The following MAP3K2 variants were observed in gnomAD, a reference collection of about 807,000 sequenced individuals.
MAP3K2 encodes the protein mitogen-activated protein kinase kinase kinase 2, also known as MAP/ERK kinase kinase 2.
A neutral mutation model predicts 80.3 loss-of-function variants in MAP3K2; 24 were observed. That is an observed-to-expected ratio of 0.30 (90% confidence interval 0.22 to 0.42). The LOEUF (loss-of-function observed/expected upper bound fraction) is 0.42. Ranked by LOEUF, MAP3K2 falls within the 10% of genes least tolerant of loss-of-function variation. The pLI, the probability that MAP3K2 is intolerant of heterozygous loss-of-function variation, is 1.00. For missense variants in MAP3K2, 608 were observed against 750.1 expected (o/e 0.81, Z 2.21); for synonymous variants, 244 against 253.7 (o/e 0.96, Z 0.36).
chr2:127,314,506 A>G (rs1009128549), intron 15 of MAP3K2, among the ~76,000 whole-genome samples: 2 of 152,198 alleles, frequency 1.3e-5, no homozygotes, highest in Non-Finnish European at 2.9e-5. Context: ...GTATGAAAAC[A>G]TGATCTCACT....
At chr2:127,342,632 C>G (rs1686518304) in intron 2 of MAP3K2, among the ~76,000 whole-genome samples, 1 of 151,870 alleles carries the variant, frequency 6.6e-6, no homozygotes, top group Non-Finnish European at 1.5e-5. Context: ...CTGCCTCATG[C>G]TGGAACCCTT....
At chr2:127,380,004 A>G (rs755719891) in intron 1 of MAP3K2, among the ~76,000 whole-genome samples, 1 of 152,256 alleles carries the variant, frequency 6.6e-6, no homozygotes, top group African/African-American at 2.4e-5. Flanking sequence ...ACATTTAACT[A>G]AAGTAAAACC....
At chr2:127,353,620 G>T (rs933137870) in intron 1 of MAP3K2, among the ~76,000 whole-genome samples, 3 of 151,110 alleles carry the variant, frequency 2.0e-5, no homozygotes, top group Non-Finnish European at 4.4e-5. Context: ...AGGGAGGTGG[G>T]GGGGGTCAAA....
chr2:127,333,577 G>A (rs1182908026), intron 5 of MAP3K2, among the ~76,000 whole-genome samples: 1 of 152,096 alleles, frequency 6.6e-6, no homozygotes, highest in Admixed American at 6.5e-5. Context: ...TTTGGTTTGG[G>A]ACAATATGTC....
rs945021454 is a variant in MAP3K2 at position 127,299,970 on chromosome 2, C to T, written c.*7609G>A. On this transcript the variant is annotated 3_prime_UTR_variant, in exon 17 of 17. Coordinates refer to ENST00000682094, the MANE Select transcript of MAP3K2 (RefSeq NM_001371910.2). ...AAAAAAACATCTCCACACAAACATA[C>T]ATCCCCTGATACACAGTTAAAAGCA... 1.5e-3 allele frequency: 54 copies of T among 35,458 alleles called. No homozygotes were observed. The highest frequency in any genetic ancestry group is 9.0e-3 in the African/African-American group (54 of 6,024). 2.2% of individuals were successfully genotyped at this position (35,458 alleles called of 1,614,324 possible). A position where few individuals can be genotyped will look rare whatever the true frequency, so the allele number is the denominator to read the frequency against.
intron 1 of MAP3K2, among the ~76,000 whole-genome samples, chr2:127,347,533 CA>C (rs35552566): frequency 6.6e-6 from 1 of 151,784 alleles, no homozygotes; most frequent in African/African-American, 2.4e-5. Flanking sequence ...TTAACAACAA[CA>C]AAAAAATGCA....
Position 127,300,471 on chromosome 2 carries a change from CAT to C in MAP3K2, c.*7106_*7107del, listed in dbSNP as rs572241578. ...AAGGGTAAATTTACAAATTGATAAT[CAT>C]AGTTTGCAACAATTCAAAGTTTATT... is the stretch of plus-strand genomic sequence containing the variant. On this transcript the variant is annotated 3_prime_UTR_variant, in exon 17 of 17. Coordinates refer to ENST00000682094, the MANE Select transcript of MAP3K2 (RefSeq NM_001371910.2). 6.2e-4 allele frequency: 94 copies of C among 152,192 alleles called. No homozygotes were observed. The highest frequency in any genetic ancestry group is 2.1e-3 in the African/African-American group (88 of 41,544). The allele number at this position is 152,192 out of a possible 1,614,324, so 9.4% of individuals were successfully genotyped here. A position where few individuals can be genotyped will look rare whatever the true frequency, so the allele number is the denominator to read the frequency against.
intron 4 of MAP3K2, 131 bp downstream of exon 4, chr2:127,337,607 C>T: frequency 1.7e-6 from 1 of 573,082 alleles, no homozygotes; most frequent in Non-Finnish European, 3.1e-6. Context: ...TACACATTCC[C>T]AAGGACTACT....
intron 14 of MAP3K2, among the ~76,000 whole-genome samples, chr2:127,315,739 G>C (rs1685889031): frequency 1.3e-5 from 2 of 152,186 alleles, no homozygotes; most frequent in South Asian, 4.1e-4. Flanking sequence ...AGGAGTTCAA[G>C]ACCAGCCTGG....
At chr2:127,371,330 G>T (rs116074154) in intron 1 of MAP3K2, among the ~76,000 whole-genome samples, 2 of 152,186 alleles carry the variant, frequency 1.3e-5, no homozygotes, top group Non-Finnish European at 2.9e-5. Context: ...TCCCCATGCC[G>T]ATGTACAACA....
intron 1 of MAP3K2, among the ~76,000 whole-genome samples, chr2:127,380,790 CTTG>C (rs1216063637): frequency 6.6e-6 from 1 of 152,156 alleles, no homozygotes; most frequent in Non-Finnish European, 1.5e-5. Context: ...CTTAACATTT[CTTG>C]TTAAGTGTGT....
chr2:127,307,486 C>T lies in MAP3K2; in HGVS notation c.*93G>A. The T allele has an allele frequency of 1.5e-6, 1 of 656,018 alleles. No homozygotes were observed. The highest frequency in any genetic ancestry group is 2.4e-6 in the Non-Finnish European group (1 of 415,292). 40.6% of individuals were successfully genotyped at this position (656,018 alleles called of 1,614,324 possible). The stretch of plus-strand genomic sequence containing the variant: ...CCCTCTTGTCTTTTTTCTCCCCCAT[C>T]TCTCTTTTTTTATAAAAAAGAAAAG... On this transcript the variant is annotated 3_prime_UTR_variant, in exon 17 of 17. Coordinates refer to ENST00000682094, the MANE Select transcript of MAP3K2 (RefSeq NM_001371910.2). The surrounding 1 kb of genome is among the most constrained non-coding windows in gnomAD (Gnocchi z 5.4).
rs1010624970 is a variant in MAP3K2 at position 127,321,357 on chromosome 2, T to C, written c.1045+689A>G. On this transcript the variant is annotated intron_variant, in intron 12 of 16. Transcript: ENST00000682094. This position sits in a 1 kb window ranked among gnomAD's most constrained non-coding sequence, Gnocchi z 4.4. ...TCTTATTTTTAATCACTTCAAAAGATAGCTGTCTAAAGCAAAAATAACAGC... is the reference window on the plus strand; with the variant it reads ...TCTTATTTTTAATCACTTCAAAAGACAGCTGTCTAAAGCAAAAATAACAGC... Among the ~76,000 whole-genome samples, 24 of 152,314 alleles carry C rather than the reference T, an allele frequency of 1.6e-4. 1 individual carries two copies. The highest frequency in any genetic ancestry group is 1.3e-3 in the Admixed American group (20 of 15,294).
In MAP3K2 at chr2:127,343,178, T is replaced by C. The variant is rs772681155; in HGVS notation, c.-49A>G. 5.4e-5 allele frequency: 81 copies of C among 1,497,552 alleles called. No homozygotes were observed. Among genetic ancestry groups the C allele is most frequent in the Non-Finnish European group, 7.2e-5 (79 of 1,098,714 alleles). The allele number at this position is 1,497,552 out of a possible 1,614,324, so 92.8% of individuals were successfully genotyped here. On this transcript the variant is annotated 5_prime_UTR_variant, in exon 2 of 17. An upstream start codon of the reference 5' UTR is lost. Coordinates refer to ENST00000682094, the MANE Select transcript of MAP3K2 (RefSeq NM_001371910.2). ...GAAAATTAGGAAAATGGTTCTCCCA[T>C]CAGCATTCTTTATGGCCTGAGAAGA...
chr2:127,325,404 C>T (rs1220137430), intron 9 of MAP3K2, among the ~76,000 whole-genome samples: 1 of 152,102 alleles, frequency 6.6e-6, no homozygotes, highest in Non-Finnish European at 1.5e-5. Context: ...GTAAGCTGAG[C>T]ATGGTGGCTC....
intron 1 of MAP3K2, among the ~76,000 whole-genome samples, chr2:127,359,213 T>C (rs778928867): frequency 4.6e-5 from 7 of 152,202 alleles, no homozygotes; most frequent in African/African-American, 7.2e-5. Context: ...TAGTTTACAA[T>C]AATGCCTCAT....
chr2:127,315,623 G>A (rs1685887017), intron 14 of MAP3K2, among the ~76,000 whole-genome samples: 1 of 152,154 alleles, frequency 6.6e-6, no homozygotes, highest in South Asian at 2.1e-4. Flanking sequence ...TCAGTCTACT[G>A]TGTCTCTACT....
chr2:127,308,413 A>C, intron 16 of MAP3K2, among the ~76,000 whole-genome samples, 172 bp downstream of exon 16: 1 of 152,258 alleles, frequency 6.6e-6, no homozygotes, highest in Admixed American at 6.5e-5. Context: ...CTAACTATTT[A>C]GTCAATTATA....
At chr2:127,372,995 G>A (rs372114506) in intron 1 of MAP3K2, among the ~76,000 whole-genome samples, 9 of 152,254 alleles carry the variant, frequency 5.9e-5, no homozygotes, top group African/African-American at 9.6e-5. Flanking sequence ...GCCTATAATC[G>A]TTACTGACTT....
Sources: allele counts gnomAD v4.1 joint callset (sites outside exome capture counted in the v4.1 genomes callset), GRCh38; gene constraint gnomAD v4.1.1; non-coding constraint Gnocchi (gnomAD v3.1); transcripts MANE v1.5; gene names NCBI Gene and HGNC (gene_info 2026-07-23, HGNC 2026-07-21).